GPR161: variants seen among roughly 807,000 people sequenced by gnomAD.
The protein encoded by GPR161 is G protein-coupled receptor 161.
Under a neutral mutation model 39.2 loss-of-function variants are expected in GPR161, and 25 were observed. That is an observed-to-expected ratio of 0.64 (90% confidence interval 0.47 to 0.89). The LOEUF (loss-of-function observed/expected upper bound fraction) is 0.89, where lower values mean the gene tolerates loss of function less well. Among genes scored for constraint, GPR161 ranks in the 40% least tolerant of loss-of-function variants. The pLI is 0.00. For missense variants in GPR161, 547 were observed against 677.8 expected (o/e 0.81, Z 2.14); for synonymous variants, 286 against 276.6 (o/e 1.03, Z -0.34).
At chr1:168,090,350 C>T (rs565835355) in intron 4 of GPR161, 2 of 480,154 alleles carry the variant, frequency 4.2e-6, no homozygotes, top group African/African-American at 1.9e-5. Flanking sequence ...CAGGAACTGA[C>T]AGCCCCATTT....
chr1:168,084,617 G>C lies in GPR161; in HGVS notation c.*914C>G. ...AGAACTGAGGCCAGCTATTTTCATT[G>C]GTCACTCAAACATCACACATAGAAT... On this transcript the variant is annotated 3_prime_UTR_variant, in exon 6 of 6. Transcript: ENST00000682931. The C allele has an allele frequency of 2.8e-6, 1 of 359,216 alleles. No homozygotes were observed. Among genetic ancestry groups the C allele is most frequent in the Admixed American group, 3.8e-5 (1 of 26,416 alleles). The allele number at this position is 359,216 out of a possible 1,614,324, so 22.3% of individuals were successfully genotyped here.
chr1:168,095,272 C>G (rs1040436988), intron 3 of GPR161, among the ~76,000 whole-genome samples: 3 of 152,172 alleles, frequency 2.0e-5, no homozygotes, highest in African/African-American at 7.2e-5. Context: ...GGATCCTGAG[C>G]TGGATCTTTG....
chr1:168,136,551 C>A (rs553328353), intron 1 of GPR161, 188 bp downstream of exon 1: 564 of 1,256,708 alleles, frequency 4.5e-4, no homozygotes, highest in Non-Finnish European at 5.2e-4. Flanking sequence ...CAAAGCAAGG[C>A]GCAGTGCGGG....
intron 4 of GPR161, chr1:168,090,299 C>T (rs972896375): frequency 6.3e-6 from 2 of 319,464 alleles, no homozygotes; most frequent in Non-Finnish European, 1.1e-5. Flanking sequence ...AAGGCTTTCA[C>T]TCACTTTCAA....
intron 1 of GPR161, chr1:168,134,791 G>A (rs1699243778): frequency 1.2e-5 from 11 of 882,400 alleles, no homozygotes; most frequent in Non-Finnish European, 1.8e-5. Flanking sequence ...CCCCTTACTG[G>A]AGACAGGCTT....
intron 1 of GPR161, among the ~76,000 whole-genome samples, chr1:168,119,312 A>G (rs1697971852): frequency 6.8e-6 from 1 of 146,716 alleles, no homozygotes; most frequent in South Asian, 2.1e-4. Context: ...ACGTACATAC[A>G]TATTATTCAG....
In GPR161 at chr1:168,086,043, T is replaced by C. The variant is rs1419899540; in HGVS notation, c.1325-247A>G. ...AAAGAGAAGATATTAAGATACCTCTTACTCCAAGAAGTTACTGTGATAACT... is the reference window on the plus strand; with the variant it reads ...AAAGAGAAGATATTAAGATACCTCTCACTCCAAGAAGTTACTGTGATAACT... On this transcript the variant is annotated intron_variant, in intron 5 of 5. Coordinates refer to ENST00000682931, the MANE Select transcript of GPR161 (RefSeq NM_001375883.1). 3.9e-5 allele frequency among the ~76,000 whole-genome samples: 6 copies of C among 152,232 alleles called. No individual in the cohort carries two copies. The East Asian group carries it at 1.2e-3, about 29-fold the overall frequency.
Position 168,123,537 on chromosome 1 carries a change from T to TACACACACACACACAC in GPR161, c.-45+13186_-45+13201dup, listed in dbSNP as rs10534836. 3.1e-3 allele frequency among the ~76,000 whole-genome samples: 435 copies of TACACACACACACACAC among 138,188 alleles called. 7 individuals carry two copies. Among genetic ancestry groups the TACACACACACACACAC allele is most frequent in the African/African-American group, 0.011 (412 of 36,944 alleles). 90.7% of individuals were successfully genotyped at this position (138,188 alleles called of 152,430 possible). On this transcript the variant is annotated intron_variant, in intron 1 of 5. Coordinates refer to ENST00000682931, the MANE Select transcript of GPR161 (RefSeq NM_001375883.1). Reference sequence around the variant, plus strand: ...ATATAGATATAGATATGCACATACATACACACACACACACACACACACACA... The same window carrying TACACACACACACACAC: ...ATATAGATATAGATATGCACATACATACACACACACACACACACACACACACACACACACACACACA...
intron 1 of GPR161, among the ~76,000 whole-genome samples, chr1:168,107,887 A>G (rs1696750007): frequency 6.6e-6 from 1 of 152,240 alleles, no homozygotes; most frequent in African/African-American, 2.4e-5. Context: ...CACTTCCAGT[A>G]AATGCAACTG....
At chr1:168,106,021 A>C (rs1696584551) in intron 1 of GPR161, among the ~76,000 whole-genome samples, 1 of 152,152 alleles carries the variant, frequency 6.6e-6, no homozygotes, top group African/African-American at 2.4e-5. Context: ...GAGGGAGTGC[A>C]TGGGTTAATA....
intron 4 of GPR161, chr1:168,088,164 T>C (rs275145): frequency 0.078 from 11,929 of 153,340 alleles, 1,531 homozygotes; most frequent in African/African-American, 0.27. Flanking sequence ...TAGAGTTCTT[T>C]GGGGATCAAA....
At chr1:168,091,117 T>G (rs762718441) in intron 3 of GPR161, among the ~76,000 whole-genome samples, 11 of 152,022 alleles carry the variant, frequency 7.2e-5, no homozygotes, top group Non-Finnish European at 1.3e-4. Context: ...GGAAAGCAGA[T>G]GGTTGAGAGT....
Position 168,099,628 on chromosome 1 carries a change from C to CT in GPR161, c.375-2397dup, listed in dbSNP as rs1219124288. On this transcript the variant is annotated intron_variant, in intron 2 of 5. Coordinates refer to ENST00000682931, the MANE Select transcript of GPR161 (RefSeq NM_001375883.1). ...AAATGGTACCCATATCACTCACTGA[C>CT]TGAGGTTCAGGCACAGGGAGTTCCA... 7.2e-5 allele frequency among the ~76,000 whole-genome samples: 11 copies of CT among 152,292 alleles called. No individual in the cohort carries two copies. In the East Asian group the frequency reaches 2.1e-3, roughly 29 times the overall value.
At position 168,096,969 on chromosome 1, in the gene GPR161, C is replaced by T. The variant is rs767649249; in HGVS notation, c.638G>A (p.Arg213His). 32 of 1,614,000 alleles carry T rather than the reference C, an allele frequency of 2.0e-5. No individual in the cohort carries two copies. Among genetic ancestry groups the T allele is most frequent in the Middle Eastern group, 1.6e-4 (1 of 6,084 alleles). ...VMLVCYGFIF[R>H]VARVKARKVH... ...CTTGCGTGCCTTGACCCTGGCCACG[C>T]GGAAGATGAAGCCATAGCACACCAG... is the stretch of plus-strand genomic sequence containing the variant. The change falls in exon 3 of 6, where the codon CGC (arginine) becomes CAC (histidine). Residue 213 changes from arginine to histidine, a missense_variant. Transcript: ENST00000682931.
upstream of GPR161, chr1:168,137,170 C>A (rs952656390): frequency 1.1e-4 from 146 of 1,390,444 alleles, no homozygotes; most frequent in Non-Finnish European, 1.3e-4. Context: ...CTTACCCTCT[C>A]GGCTCGCCCC....
intron 1 of GPR161, among the ~76,000 whole-genome samples, chr1:168,111,171 G>A (rs1017664226): frequency 9.8e-5 from 15 of 152,334 alleles, no homozygotes; most frequent in African/African-American, 2.2e-4. Flanking sequence ...GGCAGCAGGC[G>A]AGGTTAGAGA....
chr1:168,086,364 G>T (rs1242632299), intron 5 of GPR161, among the ~76,000 whole-genome samples: 2 of 152,190 alleles, frequency 1.3e-5, no homozygotes, highest in Non-Finnish European at 2.9e-5. Flanking sequence ...AGTGAGAGGG[G>T]GGAGCCCTTC....
intron 5 of GPR161, 31 bp downstream of exon 5, chr1:168,087,554 T>C: frequency 1.2e-6 from 2 of 1,613,180 alleles, no homozygotes; most frequent in Non-Finnish European, 1.7e-6. Flanking sequence ...TTCCCTATGT[T>C]TTCTTGAAGC....
In GPR161 at chr1:168,097,234, T is replaced by C; in HGVS notation, c.375-2A>G. The C allele has an allele frequency of 6.2e-7, 1 of 1,602,246 alleles. No homozygotes were observed. Among genetic ancestry groups the C allele is most frequent in the Non-Finnish European group, 8.5e-7 (1 of 1,171,748 alleles). ...ATGGGGTACAGGACAGCATAGTAGCTAGAAAAGGGATGGAGGGAGGCAAGA... is the reference window on the plus strand; with the variant it reads ...ATGGGGTACAGGACAGCATAGTAGCCAGAAAAGGGATGGAGGGAGGCAAGA... On this transcript the variant is annotated splice_acceptor_variant, in intron 2 of 5. Coordinates refer to ENST00000682931, the MANE Select transcript of GPR161 (RefSeq NM_001375883.1). LOFTEE classifies it high-confidence loss of function.
Sources: allele counts gnomAD v4.1 joint callset (sites outside exome capture counted in the v4.1 genomes callset), GRCh38; gene constraint gnomAD v4.1.1; transcripts MANE v1.5; gene names NCBI Gene and HGNC (gene_info 2026-07-23, HGNC 2026-07-21).